The following GPC5 variants were observed in gnomAD, a reference collection of about 807,000 sequenced individuals.
GPC5 encodes glypican-5.
Under a neutral mutation model 53.9 loss-of-function variants are expected in GPC5, and 47 were observed. That is an observed-to-expected ratio of 0.87 (90% confidence interval 0.69 to 1.11). GPC5 has a LOEUF of 1.11. Among genes scored for constraint, GPC5 ranks in the 50% most tolerant of loss-of-function variants. The pLI, the probability that GPC5 is intolerant of heterozygous loss-of-function variation, is 0.00. For synonymous variants in GPC5, 286 were observed against 263.3 expected (o/e 1.09, Z -0.84); for missense variants, 748 against 713.1 (o/e 1.05, Z -0.56).
At chr13:91,669,009 T>G (rs945751667) in intron 2 of GPC5, among the ~76,000 whole-genome samples, 5 of 152,166 alleles carry the variant, frequency 3.3e-5, no homozygotes, top group Non-Finnish European at 5.9e-5. Flanking sequence ...GAGGAGTACT[T>G]TCAAATGACA....
chr13:92,002,862 C>G (rs949056479), intron 6 of GPC5, among the ~76,000 whole-genome samples: 2 of 152,210 alleles, frequency 1.3e-5, no homozygotes, highest in Admixed American at 6.5e-5. Flanking sequence ...CAGCACTCTG[C>G]TGTTCAGAAG....
intron 7 of GPC5, among the ~76,000 whole-genome samples, chr13:92,308,190 A>T (rs898568056): frequency 6.6e-6 from 1 of 152,198 alleles, no homozygotes; most frequent in African/African-American, 2.4e-5. Context: ...ATGATGTTTC[A>T]AACCATATTT....
chr13:92,835,104 C>T (rs756969787), intron 7 of GPC5, among the ~76,000 whole-genome samples: 2 of 152,002 alleles, frequency 1.3e-5, no homozygotes, highest in African/African-American at 4.8e-5. Flanking sequence ...GTAATCCATA[C>T]TACAGAATGT....
intron 2 of GPC5, among the ~76,000 whole-genome samples, chr13:91,592,979 T>C (rs1566535860): frequency 3.3e-5 from 5 of 152,234 alleles, no homozygotes; most frequent in Admixed American, 1.3e-4. Context: ...CCCCTGTCTA[T>C]GCTCTCCTGG....
chr13:91,640,299 T>G (rs6492557), intron 2 of GPC5, among the ~76,000 whole-genome samples: 131,861 of 152,168 alleles, frequency 0.87, 57,272 homozygotes, highest in East Asian at 0.99. Context: ...CAAGAAAAAT[T>G]ACCCATTAAA....
chr13:92,106,538 T>C (rs1161665154), intron 6 of GPC5, among the ~76,000 whole-genome samples: 1 of 152,028 alleles, frequency 6.6e-6, no homozygotes, highest in South Asian at 2.1e-4. Flanking sequence ...ATAAAAATTG[T>C]CTTAGAGTTC....
intron 3 of GPC5, among the ~76,000 whole-genome samples, chr13:91,706,072 A>C (rs1344538437): frequency 6.6e-6 from 1 of 151,002 alleles, no homozygotes; most frequent in African/African-American, 2.4e-5. Flanking sequence ...GTAGAGACAG[A>C]TTTTCACCAT....
chr13:92,863,372 CTT>C (rs1173607951), intron 7 of GPC5, among the ~76,000 whole-genome samples: 1 of 152,122 alleles, frequency 6.6e-6, no homozygotes, highest in Non-Finnish European at 1.5e-5. Flanking sequence ...AATTAAATGA[CTT>C]AACATTTGTG....
intron 7 of GPC5, among the ~76,000 whole-genome samples, chr13:92,260,721 C>G (rs1185929389): frequency 6.6e-6 from 1 of 152,164 alleles, no homozygotes; most frequent in African/African-American, 2.4e-5. Context: ...TTCCTCCTGT[C>G]TCTTCTCACT....
At chr13:92,677,761 A>C (rs1480231166) in intron 7 of GPC5, among the ~76,000 whole-genome samples, 1 of 145,944 alleles carries the variant, frequency 6.9e-6, no homozygotes, top group Non-Finnish European at 1.5e-5. Context: ...CTGATGCCTG[A>C]AACCTGACGC....
At chr13:92,291,655 C>G (rs759482109) in intron 7 of GPC5, among the ~76,000 whole-genome samples, 2 of 152,162 alleles carry the variant, frequency 1.3e-5, no homozygotes, top group Non-Finnish European at 2.9e-5. Flanking sequence ...CTAGGGTCCC[C>G]TTCCACAATG....
chr13:92,419,572 C>T (rs1351519096), intron 7 of GPC5, among the ~76,000 whole-genome samples: 1 of 152,144 alleles, frequency 6.6e-6, no homozygotes, highest in African/African-American at 2.4e-5. Context: ...TTTGTCTTGA[C>T]ATTTCATATT....
intron 6 of GPC5, among the ~76,000 whole-genome samples, chr13:92,076,845 AG>A (rs1271813183): frequency 5.9e-5 from 9 of 152,182 alleles, no homozygotes; most frequent in African/African-American, 2.2e-4. Context: ...TTTTTCTTCC[AG>A]GCCCTCCCAA....
chr13:92,231,328 C>T (rs2042528748), intron 7 of GPC5, among the ~76,000 whole-genome samples: 1 of 152,156 alleles, frequency 6.6e-6, no homozygotes, highest in South Asian at 2.1e-4. Context: ...TGTTATCTCT[C>T]TTTTGGCAAA....
At chr13:92,403,342 C>T (rs913498494) in intron 7 of GPC5, among the ~76,000 whole-genome samples, 1 of 152,208 alleles carries the variant, frequency 6.6e-6, no homozygotes, top group Non-Finnish European at 1.5e-5. Flanking sequence ...GACCCCAAGC[C>T]ATGGCCGCCA....
At chr13:92,622,277 G>A (rs1312962053) in intron 7 of GPC5, among the ~76,000 whole-genome samples, 1 of 152,190 alleles carries the variant, frequency 6.6e-6, no homozygotes, top group Non-Finnish European at 1.5e-5. Context: ...CAGCTACATC[G>A]CCACAGGTCT....
intron 5 of GPC5, among the ~76,000 whole-genome samples, chr13:91,876,653 G>A (rs2039205802): frequency 6.6e-6 from 1 of 152,300 alleles, no homozygotes; most frequent in African/African-American, 2.4e-5. Context: ...TTTTGTAAGG[G>A]AAGCAGAACA....
intron 3 of GPC5, among the ~76,000 whole-genome samples, chr13:91,716,072 C>A (rs141338578): frequency 6.6e-6 from 1 of 151,992 alleles, no homozygotes; most frequent in Non-Finnish European, 1.5e-5. Flanking sequence ...AGCCACCATG[C>A]CTGGCCCATC....
At chr13:91,642,963 A>G (rs1237257545) in intron 2 of GPC5, among the ~76,000 whole-genome samples, 4 of 152,120 alleles carry the variant, frequency 2.6e-5, no homozygotes, top group African/African-American at 7.2e-5. Flanking sequence ...GATAAAGATA[A>G]GCTCCTGCTT....
Sources: allele counts gnomAD v4.1 joint callset (sites outside exome capture counted in the v4.1 genomes callset), GRCh38; gene constraint gnomAD v4.1.1; transcripts MANE v1.5; gene names NCBI Gene and HGNC (gene_info 2026-07-23, HGNC 2026-07-21).